The following AKAP6 variants were observed in gnomAD, a reference collection of about 807,000 sequenced individuals.
AKAP6 encodes A-kinase anchor protein 6.
In AKAP6, 58 loss-of-function variants were observed where a neutral mutation model predicts 188.5. The ratio of observed to expected loss-of-function variants is 0.31; its 90% confidence interval spans 0.25 to 0.38. The LOEUF (loss-of-function observed/expected upper bound fraction) is 0.38. Among genes scored for constraint, AKAP6 ranks in the 10% least tolerant of loss-of-function variants. The pLI is 1.00. For missense variants in AKAP6, 2,710 were observed against 2,740.0 expected (o/e 0.99, Z 0.24); for synonymous variants, 989 against 998.6 (o/e 0.99, Z 0.18).
chr14:32,398,029 A>G (rs1286923108), intron 1 of AKAP6, among the ~76,000 whole-genome samples: 1 of 152,234 alleles, frequency 6.6e-6, no homozygotes, highest in Non-Finnish European at 1.5e-5. Context: ...CTCTGTGGAC[A>G]CATCAACTCA....
At chr14:32,739,488 C>A (rs1361420264) in intron 11 of AKAP6, among the ~76,000 whole-genome samples, 7 of 151,724 alleles carry the variant, frequency 4.6e-5, no homozygotes, top group Admixed American at 4.6e-4. Context: ...CTATTTTTTT[C>A]TTTGTACCCA....
intron 2 of AKAP6, among the ~76,000 whole-genome samples, chr14:32,526,651 A>G (rs1882145584): frequency 6.6e-6 from 1 of 152,218 alleles, no homozygotes; most frequent in African/African-American, 2.4e-5. Flanking sequence ...AAGTGATGGG[A>G]TTGCAGGTGT....
chr14:32,352,468 T>C (rs1409461292), intron 1 of AKAP6, among the ~76,000 whole-genome samples: 1 of 152,144 alleles, frequency 6.6e-6, no homozygotes, highest in Non-Finnish European at 1.5e-5. Flanking sequence ...GATTGTTAAC[T>C]AGTCACTGTA....
intron 2 of AKAP6, among the ~76,000 whole-genome samples, chr14:32,476,621 G>A (rs778786093): frequency 1.1e-4 from 17 of 152,148 alleles, no homozygotes; most frequent in Non-Finnish European, 1.6e-4. Flanking sequence ...CAGACACCGG[G>A]CCGCAAGTTG....
chr14:32,534,070 T>A (rs1185457366), intron 2 of AKAP6, among the ~76,000 whole-genome samples: 3 of 152,240 alleles, frequency 2.0e-5, no homozygotes, highest in African/African-American at 7.2e-5. Context: ...ATTCATAATT[T>A]AGCACAATTT....
chr14:32,335,842 C>CTTTTT (rs375076849), intron 1 of AKAP6, among the ~76,000 whole-genome samples: 142 of 93,968 alleles, frequency 1.5e-3, no homozygotes, highest in African/African-American at 2.6e-3. Context: ...TCCTTTTCTC[C>CTTTTT]TTTTTTTTTT....
intron 2 of AKAP6, among the ~76,000 whole-genome samples, chr14:32,460,368 T>C (rs1033310857): frequency 1.3e-5 from 2 of 152,148 alleles, no homozygotes; most frequent in Admixed American, 1.3e-4. Flanking sequence ...ATTTCTCCAT[T>C]TCCAACTGAG....
intron 1 of AKAP6, among the ~76,000 whole-genome samples, chr14:32,363,547 A>G (rs567274724): frequency 2.6e-5 from 4 of 152,202 alleles, no homozygotes; most frequent in Non-Finnish European, 5.9e-5. Flanking sequence ...TGTAAGTCCA[A>G]GAGTCCAAAA....
chr14:32,546,644 A>G lies in AKAP6; in HGVS notation c.1991A>G (p.Gln664Arg). The change falls in exon 4 of 14, where the codon CAG (glutamine) becomes CGG (arginine). Residue 664 changes from glutamine (Q) to arginine (R), a missense_variant. Around this residue, in one of 2 missense-constraint regions of AKAP6, gnomAD observed 2,473 missense variants for 2,426.1 expected, o/e 1.02. Transcript: ENST00000280979. ...LPQKPRGETI[Q>R]NIDDWELSEM... ...CAGAAACCCAGAGGAGAAACCATCCAGAATATTGATGACTGGGAACTGTCT... is the reference window on the plus strand; with the variant it reads ...CAGAAACCCAGAGGAGAAACCATCCGGAATATTGATGACTGGGAACTGTCT... 6.2e-7 allele frequency: 1 copy of G among 1,614,202 alleles called. No individual in the cohort carries two copies. Among genetic ancestry groups the G allele is most frequent in the Non-Finnish European group, 8.5e-7 (1 of 1,180,024 alleles).
chr14:32,377,612 T>G (rs1196709055), intron 1 of AKAP6, among the ~76,000 whole-genome samples: 1 of 152,062 alleles, frequency 6.6e-6, no homozygotes, highest in Non-Finnish European at 1.5e-5. Context: ...GGGCTGCCCA[T>G]TTGGGTAAAA....
chr14:32,657,989 A>G (rs1469251006), intron 7 of AKAP6, among the ~76,000 whole-genome samples: 1 of 152,154 alleles, frequency 6.6e-6, no homozygotes, highest in Non-Finnish European at 1.5e-5. Context: ...ACAATAAAGA[A>G]CTAGTCTAGC....
chr14:32,543,583 A>G (rs965801845), intron 3 of AKAP6, among the ~76,000 whole-genome samples: 3 of 152,226 alleles, frequency 2.0e-5, no homozygotes, highest in Middle Eastern at 3.4e-3. Context: ...TGGTAGTTCA[A>G]TTTTTAGCCT....
At chr14:32,537,814 G>T in intron 3 of AKAP6, among the ~76,000 whole-genome samples, 1 of 152,198 alleles carries the variant, frequency 6.6e-6, no homozygotes, top group East Asian at 1.9e-4. Flanking sequence ...AATTGAACTT[G>T]TATCATTCAT....
intron 4 of AKAP6, among the ~76,000 whole-genome samples, chr14:32,573,447 C>T (rs996093125): frequency 2.0e-5 from 3 of 152,094 alleles, no homozygotes; most frequent in Non-Finnish European, 4.4e-5. Flanking sequence ...GACAGAATTC[C>T]GATACAGATA....
At chr14:32,774,180 C>T (rs918573737) in intron 12 of AKAP6, among the ~76,000 whole-genome samples, 1 of 152,120 alleles carries the variant, frequency 6.6e-6, no homozygotes, top group Non-Finnish European at 1.5e-5. Flanking sequence ...ATGGAGATTT[C>T]GCTTAACCTT....
intron 11 of AKAP6, among the ~76,000 whole-genome samples, chr14:32,751,752 C>T (rs778837731): frequency 1.3e-5 from 2 of 152,062 alleles, no homozygotes; most frequent in African/African-American, 2.4e-5. Flanking sequence ...TTTTCTGTTT[C>T]TGCAGAACCT....
chr14:32,401,516 T>C (rs1230171857), intron 1 of AKAP6, among the ~76,000 whole-genome samples: 2 of 152,196 alleles, frequency 1.3e-5, no homozygotes, highest in Non-Finnish European at 2.9e-5. Flanking sequence ...GAATATGCTG[T>C]AACACTTCAA....
chr14:32,478,639 C>T (rs1951196), intron 2 of AKAP6, among the ~76,000 whole-genome samples: 2 of 151,972 alleles, frequency 1.3e-5, no homozygotes, highest in Non-Finnish European at 2.9e-5. Flanking sequence ...GCTCAAGGCT[C>T]GTCAGGGGAA....
chr14:32,591,361 A>G (rs1004461940), intron 5 of AKAP6, among the ~76,000 whole-genome samples: 1 of 151,856 alleles, frequency 6.6e-6, no homozygotes. Flanking sequence ...TGTCACTTGG[A>G]GCCACCGTCA....
Sources: allele counts gnomAD v4.1 joint callset (sites outside exome capture counted in the v4.1 genomes callset), GRCh38; gene constraint gnomAD v4.1.1; regional missense constraint gnomAD v4.1.1; transcripts MANE v1.5; gene names NCBI Gene and HGNC (gene_info 2026-07-23, HGNC 2026-07-21).